Variants in RNF169 observed in about 807,000 individuals in gnomAD.
RNF169 encodes ring finger protein 169, also known as E3 ubiquitin-protein ligase RNF169.
RNF169 carries 24 observed loss-of-function variants against 53.9 expected under a neutral mutation model. The ratio of observed to expected loss-of-function variants is 0.45; its 90% CI spans 0.32 to 0.63. The LOEUF is 0.63. Ranked by LOEUF, RNF169 falls within the 20% of genes least tolerant of loss-of-function variation. The pLI, the probability that RNF169 is intolerant of heterozygous loss-of-function variation, is 0.04. For missense variants in RNF169, 883 were observed against 906.2 expected (o/e 0.97, Z 0.33); for synonymous variants, 396 against 363.5 (o/e 1.09, Z -1.02).
intron 1 of RNF169, among the ~76,000 whole-genome samples, chr11:74,758,427 T>TA (rs1308784777): frequency 1.3e-5 from 2 of 150,468 alleles, no homozygotes; most frequent in African/African-American, 4.9e-5. Context: ...TGAAGTCAGG[T>TA]AGTGTGATGC....
Position 74,803,242 on chromosome 11 carries a change from C to T in RNF169, c.577-6942C>T, listed in dbSNP as rs191787111. ...CTGGAACTACAGGCGCCCACCACCA[C>T]GCCTGGCTAATTTTTTATATTTTTA... On this transcript the variant is annotated intron_variant, in intron 2 of 5. Transcript: ENST00000299563. 2.2e-4 allele frequency among the ~76,000 whole-genome samples: 33 copies of T among 152,042 alleles called. No individual in the cohort carries two copies. In the East Asian group the frequency reaches 5.6e-3, roughly 26 times the overall value.
At position 74,797,499 on chromosome 11, in the gene RNF169, A is replaced by T. The variant is rs570481628; in HGVS notation, c.576+7800A>T. ...TTTCTTATTCGATTATAAATCTTTC[A>T]AGATAGATCTGTTTGTTTTAGTCTC... is the stretch of plus-strand genomic sequence containing the variant. On this transcript the variant is annotated intron_variant, in intron 2 of 5. Coordinates refer to ENST00000299563, the MANE Select transcript of RNF169 (RefSeq NM_001098638.2). 6.6e-5 allele frequency among the ~76,000 whole-genome samples: 10 copies of T among 152,338 alleles called. 1 individual carries two copies. The South Asian group carries it at 1.4e-3, about 22-fold the overall frequency.
intron 4 of RNF169, among the ~76,000 whole-genome samples, chr11:74,822,169 TAAG>T (rs1223834712): frequency 6.6e-6 from 1 of 151,900 alleles, no homozygotes; most frequent in East Asian, 1.9e-4. Context: ...AAGGTACCCT[TAAG>T]AAACAAGTAT....
chr11:74,833,937 A>C (rs1591435256), intron 4 of RNF169, among the ~76,000 whole-genome samples: 1 of 152,188 alleles, frequency 6.6e-6, no homozygotes, highest in Non-Finnish European at 1.5e-5. Context: ...ATTTAACTCA[A>C]AATGGACCAA....
At chr11:74,834,567 A>G (rs1174540861) in intron 4 of RNF169, 109 bp from the exon 5 acceptor site, 1 of 594,058 alleles carries the variant, frequency 1.7e-6, no homozygotes, top group African/African-American at 1.9e-5. Context: ...TGCCCAAGGG[A>G]ATTCTTTCCT....
chr11:74,831,568 G>A (rs1407764138), intron 4 of RNF169: 1 of 152,018 alleles, frequency 6.6e-6, no homozygotes, highest in African/African-American at 2.4e-5. Flanking sequence ...CAATACTCTT[G>A]AAGTCGTTTT....
At chr11:74,817,013 A>G (rs1424770738) in intron 3 of RNF169, among the ~76,000 whole-genome samples, 3 of 152,238 alleles carry the variant, frequency 2.0e-5, no homozygotes, top group African/African-American at 7.2e-5. Flanking sequence ...GCAAAAGATG[A>G]TAAGAATCTA....
intron 2 of RNF169, among the ~76,000 whole-genome samples, chr11:74,790,069 T>C (rs1461253818): frequency 3.3e-5 from 5 of 152,248 alleles, no homozygotes; most frequent in Admixed American, 1.3e-4. Context: ...GCTGGTGTTA[T>C]CCATTATTGC....
At chr11:74,774,759 A>G (rs984503022) in intron 1 of RNF169, among the ~76,000 whole-genome samples, 1 of 152,162 alleles carries the variant, frequency 6.6e-6, no homozygotes, top group Non-Finnish European at 1.5e-5. Flanking sequence ...GTTTGAGACC[A>G]TCCTGGCTAA....
rs1435003567 is a variant in RNF169 at position 74,841,224 on chromosome 11, C to T, written c.*4494C>T. The T allele has an allele frequency of 1.3e-5, 2 of 152,122 alleles. No homozygotes were observed. The highest frequency in any genetic ancestry group is 2.9e-5 in the Non-Finnish European group (2 of 68,018). 9.4% of individuals were successfully genotyped at this position (152,122 alleles called of 1,614,324 possible). On this transcript the variant is annotated 3_prime_UTR_variant, in exon 6 of 6. Coordinates refer to ENST00000299563, the MANE Select transcript of RNF169 (RefSeq NM_001098638.2). ...TCAGGCAGCCTTTTCCTCATCAACC[C>T]ATAGAGTGGTCTTTTGAACTGGTAT...
At chr11:74,752,341 A>G (rs1033547689) in intron 1 of RNF169, among the ~76,000 whole-genome samples, 1 of 151,822 alleles carries the variant, frequency 6.6e-6, no homozygotes, top group African/African-American at 2.4e-5. Flanking sequence ...TCATGCCTGT[A>G]AATCTGGCAC....
intron 1 of RNF169, among the ~76,000 whole-genome samples, chr11:74,753,585 A>G (rs1262584781): frequency 6.6e-6 from 1 of 152,216 alleles, no homozygotes; most frequent in Non-Finnish European, 1.5e-5. Context: ...CCTAATAGCA[A>G]TTTTAGTAAT....
intron 5 of RNF169, among the ~76,000 whole-genome samples, chr11:74,835,237 G>C (rs1040942363): frequency 6.6e-6 from 1 of 152,166 alleles, no homozygotes; most frequent in African/African-American, 2.4e-5. Context: ...TTCCCAAAAT[G>C]CTGGGATTAC....
Position 74,834,673 on chromosome 11 carries a change from T to C in RNF169, c.843-3T>C. The C allele has an allele frequency of 6.2e-7, 1 of 1,604,440 alleles. No homozygotes were observed. Among genetic ancestry groups the C allele is most frequent in the South Asian group, 1.1e-5 (1 of 89,518 alleles). On this transcript the variant is annotated splice_polypyrimidine_tract_variant and splice_region_variant and intron_variant, in intron 4 of 5. Transcript: ENST00000299563. ...TACTCGTTTTTTATTTATTCTTTTT[T>C]AGGAAGCTAAACTCCAAGGTGGAAA... is the stretch of plus-strand genomic sequence containing the variant.
At chr11:74,769,983 G>C (rs897817687) in intron 1 of RNF169, among the ~76,000 whole-genome samples, 2 of 152,136 alleles carry the variant, frequency 1.3e-5, no homozygotes, top group African/African-American at 4.8e-5. Flanking sequence ...TACTATACAG[G>C]GTCTCACCAT....
At chr11:74,751,643 TC>T (rs1314414808) in intron 1 of RNF169, among the ~76,000 whole-genome samples, 1 of 152,222 alleles carries the variant, frequency 6.6e-6, no homozygotes, top group Non-Finnish European at 1.5e-5. Flanking sequence ...CAAATTAGAA[TC>T]TATTGAGTCA....
intron 1 of RNF169, among the ~76,000 whole-genome samples, chr11:74,767,940 A>G (rs765296488): frequency 5.3e-5 from 8 of 152,128 alleles, no homozygotes; most frequent in Non-Finnish European, 1.2e-4. Flanking sequence ...GGCCTGTCCA[A>G]GGTCTTGAGA....
intron 1 of RNF169, among the ~76,000 whole-genome samples, chr11:74,765,274 C>T (rs187955477): frequency 6.6e-6 from 1 of 152,262 alleles, no homozygotes; most frequent in African/African-American, 2.4e-5. Flanking sequence ...TATGTAGAAC[C>T]ATACACTTAA....
chr11:74,755,046 A>G (rs1490908028), intron 1 of RNF169, among the ~76,000 whole-genome samples: 3 of 152,238 alleles, frequency 2.0e-5, no homozygotes, highest in Non-Finnish European at 4.4e-5. Context: ...CTAATGAATA[A>G]TGAAACCATG....
Sources: allele counts gnomAD v4.1 joint callset (sites outside exome capture counted in the v4.1 genomes callset), GRCh38; gene constraint gnomAD v4.1.1; transcripts MANE v1.5; gene names NCBI Gene and HGNC (gene_info 2026-07-23, HGNC 2026-07-21).